Variants in MSRA observed in about 807,000 individuals in gnomAD.
The protein encoded by MSRA is mitochondrial peptide methionine sulfoxide reductase.
MSRA carries 54 observed loss-of-function variants against 31.3 expected under a neutral mutation model. That is an observed-to-expected ratio of 1.73 (90% CI 1.39 to 2.17). The LOEUF (loss-of-function observed/expected upper bound fraction) is 2.17. Among genes scored for constraint, MSRA ranks in the 30% most tolerant of loss-of-function variants. MSRA has a pLI of 0.00. For missense variants in MSRA, 507 were observed against 300.9 expected (o/e 1.69, Z -5.07); for synonymous variants, 169 against 116.5 (o/e 1.45, Z -2.90).
chr8:10,281,183 T>TA lies in MSRA; in HGVS notation c.332-20350dup, dbSNP rs1253905576. Among the ~76,000 whole-genome samples, 8 of 152,200 alleles carry TA rather than the reference T, an allele frequency of 5.3e-5. 1 individual carries two copies. The highest frequency in any genetic ancestry group is 2.6e-4 in the Admixed American group (4 of 15,278). ...ATTTCATCTCAGTAAAGCTGGTTGT[T>TA]ACCAGAGAAAAAAGCATTTTCTACC... On this transcript the variant is annotated intron_variant, in intron 3 of 5. Coordinates refer to ENST00000317173, the MANE Select transcript of MSRA (RefSeq NM_012331.5).
chr8:10,125,015 G>C (rs540409505), intron 1 of MSRA, among the ~76,000 whole-genome samples: 1 of 152,030 alleles, frequency 6.6e-6, no homozygotes, highest in Non-Finnish European at 1.5e-5. Context: ...TCAAACTAAG[G>C]TGCTTTGATG....
chr8:10,254,474 G>A (rs999967564), intron 3 of MSRA, among the ~76,000 whole-genome samples: 1 of 152,210 alleles, frequency 6.6e-6, no homozygotes, highest in Non-Finnish European at 1.5e-5. Flanking sequence ...GTTTAGAAGA[G>A]CAATTGAAAA....
intron 3 of MSRA, among the ~76,000 whole-genome samples, chr8:10,248,738 A>G (rs1315881057): frequency 6.6e-6 from 1 of 152,208 alleles, no homozygotes; most frequent in Non-Finnish European, 1.5e-5. Context: ...AGTAGCTGAG[A>G]GAGGAGGTGT....
intron 1 of MSRA, among the ~76,000 whole-genome samples, chr8:10,079,472 A>G (rs1479038537): frequency 6.6e-6 from 1 of 152,168 alleles, no homozygotes; most frequent in Non-Finnish European, 1.5e-5. Context: ...TTCTAGAAAA[A>G]TAAAGCTCAT....
intron 1 of MSRA, among the ~76,000 whole-genome samples, chr8:10,072,415 A>G (rs186458935): frequency 1.4e-4 from 21 of 151,708 alleles, no homozygotes; most frequent in African/African-American, 4.8e-4. Flanking sequence ...TTAGTTGGCC[A>G]TATTTGTGTG....
At chr8:10,248,000 G>T (rs935522707) in intron 3 of MSRA, among the ~76,000 whole-genome samples, 1 of 152,148 alleles carries the variant, frequency 6.6e-6, no homozygotes, top group Non-Finnish European at 1.5e-5. Context: ...GGTTACACTG[G>T]CGGGCCTCCC....
intron 1 of MSRA, among the ~76,000 whole-genome samples, chr8:10,057,629 C>T (rs1445698633): frequency 2.6e-5 from 4 of 152,064 alleles, no homozygotes; most frequent in African/African-American, 7.2e-5. Flanking sequence ...TTGAAACATG[C>T]GGGGGGTGGA....
chr8:10,154,513 T>A (rs1202656050), intron 1 of MSRA, among the ~76,000 whole-genome samples: 2 of 151,986 alleles, frequency 1.3e-5, no homozygotes, highest in Non-Finnish European at 1.5e-5. Context: ...GAGTAGCTGG[T>A]ACTACAGGCA....
At chr8:10,208,450 C>T (rs1399488078) in intron 2 of MSRA, among the ~76,000 whole-genome samples, 2 of 152,130 alleles carry the variant, frequency 1.3e-5, no homozygotes, top group Non-Finnish European at 2.9e-5. Context: ...GTTAAAATTC[C>T]AAACTGTTTG....
intron 5 of MSRA, among the ~76,000 whole-genome samples, chr8:10,330,006 ATGTGTGTGTGTG>A (rs72198519): frequency 5.2e-5 from 7 of 135,374 alleles, no homozygotes; most frequent in South Asian, 2.7e-4. Context: ...AGAGAAAAAA[ATGTGTGTGTGTG>A]TGTGTGTGTG....
In MSRA at chr8:10,060,717, A is replaced by AT. The variant is rs1208471989; in HGVS notation, c.142+6063dup. The stretch of plus-strand genomic sequence containing the variant: ...ACTTGCTTTTGTAATCAAAATCTAC[A>AT]TTTTGGCGTGATTGAAAAATCAAAA... On this transcript the variant is annotated intron_variant, in intron 1 of 5. Transcript: ENST00000317173. 3.3e-5 allele frequency among the ~76,000 whole-genome samples: 5 copies of AT among 151,410 alleles called. No individual in the cohort carries two copies. The East Asian group carries it at 9.7e-4, about 29-fold the overall frequency.
intron 5 of MSRA, among the ~76,000 whole-genome samples, chr8:10,350,789 G>A (rs1346302878): frequency 1.3e-5 from 2 of 152,126 alleles, no homozygotes; most frequent in African/African-American, 2.4e-5. Context: ...CCGAGGCCTC[G>A]CGCCTCCCCC....
chr8:10,374,184 A>G (rs1467027927), intron 5 of MSRA, among the ~76,000 whole-genome samples: 3 of 152,212 alleles, frequency 2.0e-5, no homozygotes, highest in Non-Finnish European at 4.4e-5. Context: ...TGGTCCCAGA[A>G]CACTTTGCCT....
At chr8:10,383,545 AT>A (rs928351054) in intron 5 of MSRA, among the ~76,000 whole-genome samples, 15 of 150,252 alleles carry the variant, frequency 1.0e-4, no homozygotes, top group African/African-American at 2.2e-4. Flanking sequence ...CCTGTCAGTT[AT>A]TTTTTTTTTC....
chr8:10,246,910 C>A (rs1171400210), intron 3 of MSRA, among the ~76,000 whole-genome samples: 6 of 152,066 alleles, frequency 3.9e-5, no homozygotes, highest in Non-Finnish European at 8.8e-5. Flanking sequence ...CCAGGTGTAT[C>A]CTCTCAAGTC....
At chr8:10,194,466 T>C (rs999103041) in intron 1 of MSRA, among the ~76,000 whole-genome samples, 1 of 152,168 alleles carries the variant, frequency 6.6e-6, no homozygotes, top group Non-Finnish European at 1.5e-5. Flanking sequence ...CTTGGGAGGC[T>C]GAGGCAGGAA....
At chr8:10,364,514 T>G (rs867752354) in intron 5 of MSRA, among the ~76,000 whole-genome samples, 1 of 152,180 alleles carries the variant, frequency 6.6e-6, no homozygotes, top group African/African-American at 2.4e-5. Context: ...CTTCCAGCCA[T>G]GGTGAGAATT....
At chr8:10,080,068 T>C (rs1325644811) in intron 1 of MSRA, among the ~76,000 whole-genome samples, 1 of 152,200 alleles carries the variant, frequency 6.6e-6, no homozygotes, top group African/African-American at 2.4e-5. Flanking sequence ...CACGCTTCTT[T>C]CTTGCATGGT....
intron 3 of MSRA, among the ~76,000 whole-genome samples, chr8:10,283,160 A>ACACACTCTCTCTCTCTCTCT: frequency 9.3e-5 from 13 of 140,238 alleles, no homozygotes; most frequent in African/African-American, 3.0e-4. Flanking sequence ...ACACACACAC[A>ACACACTCTCTCTCTCTCTCT]CTCTCACCCT....
Sources: gnomAD v4.1 joint callset for allele counts (sites outside exome capture counted in the v4.1 genomes callset) on GRCh38, gnomAD v4.1.1 for gene constraint, MANE v1.5 for transcripts, NCBI Gene and HGNC (gene_info 2026-07-23, HGNC 2026-07-21) for gene names.